Variants in KNOP1 observed in about 807,000 individuals in gnomAD.
KNOP1 encodes the protein lysine rich nucleolar protein 1.
In KNOP1, 20 loss-of-function variants were observed where a neutral mutation model predicts 30.6. That is an observed-to-expected ratio of 0.65 (90% CI 0.46 to 0.95). KNOP1 has a LOEUF of 0.95. Ranked by LOEUF, KNOP1 falls within the 40% of genes least tolerant of loss-of-function variation. KNOP1 has a pLI of 0.00. For missense variants in KNOP1, 540 were observed against 562.0 expected, an observed-to-expected ratio of 0.96 and a Z score of 0.40; for synonymous variants, 204 against 210.0, an observed-to-expected ratio of 0.97 and a Z score of 0.25.
rs112345337 is a variant in KNOP1, at chr16:19,701,984, G to GT, written c.*4925dup. ...AGTGGCCTTTATTTCACAAAATTCT[G>GT]TTTTTTTTTCTTTTTTTTGAGACAG... On this transcript the variant is annotated 3_prime_UTR_variant, in exon 5 of 5. Transcript: ENST00000219837. 1.6e-3 allele frequency: 243 copies of GT among 149,054 alleles called. No homozygotes were observed. The highest frequency in any genetic ancestry group is 3.3e-3 in the Admixed American group (49 of 14,982). 9.2% of individuals were successfully genotyped at this position (149,054 alleles called of 1,614,324 possible). A position where few individuals can be genotyped will look rare whatever the true frequency, so the allele number is the denominator to read the frequency against.
chr16:19,714,675 G>T lies in KNOP1; in HGVS notation c.361C>A (p.Leu121Ile). ...SGEKKNKKSP[L>I]AMSHASGVKT... is the part of the protein sequence containing the mutation. ...ACCCCAGAGGCATGGGACATGGCTAGAGGTGACTTCTTATTTTTCTTTTCC... is the reference window on the plus strand; with the variant it reads ...ACCCCAGAGGCATGGGACATGGCTATAGGTGACTTCTTATTTTTCTTTTCC... The change falls in exon 2 of 5, where the codon CTA becomes ATA. Residue 121 changes from leucine (L) to isoleucine (I), a missense_variant. Physicochemically the swap from Leu to Ile is conservative, Grantham distance 5. Coordinates refer to ENST00000219837, the MANE Select transcript of KNOP1 (RefSeq NM_001012991.3). 6.2e-7 allele frequency: 1 copy of T among 1,614,168 alleles called. No individual in the cohort carries two copies.
At chr16:19,708,879 G>A (rs1176117721) in intron 4 of KNOP1, among the ~76,000 whole-genome samples, 3 of 152,090 alleles carry the variant, frequency 2.0e-5, no homozygotes, top group African/African-American at 4.8e-5. Context: ...CTGGTCCTGC[G>A]TGAACCAGCA....
chr16:19,707,859 TCCC>T lies in KNOP1; in HGVS notation c.1066-641_1066-639del, dbSNP rs542935022. Among the ~76,000 whole-genome samples, 44 of 8,614 alleles carry T rather than the reference TCCC, an allele frequency of 5.1e-3. 1 individual carries two copies. The highest frequency in any genetic ancestry group is 0.032 in the African/African-American group (39 of 1,234). 5.7% of individuals were successfully genotyped at this position (8,614 alleles called of 152,430 possible). ...CCCCTAACCACGCTACACAGTGCAC[TCCC>T]CCCACCACCCTACACATCGCACTCC... On this transcript the variant is annotated intron_variant, in intron 4 of 4. Coordinates refer to ENST00000219837, the MANE Select transcript of KNOP1 (RefSeq NM_001012991.3).
intron 4 of KNOP1, 140 bp from the exon 5 acceptor site, chr16:19,707,361 GGAT>G (rs1465692813): frequency 3.0e-6 from 2 of 656,614 alleles, no homozygotes; most frequent in African/African-American, 3.7e-5. Flanking sequence ...GCTCAACAAC[GGAT>G]TATTCCGTTA....
chr16:19,701,985 T>G lies in KNOP1; in HGVS notation c.*4925A>C, dbSNP rs74541607. 865 of 120,250 alleles carry G rather than the reference T, an allele frequency of 7.2e-3. 22 individuals carry two copies. In the East Asian group the frequency reaches 0.085, roughly 12 times the overall value. 7.4% of individuals were successfully genotyped at this position (120,250 alleles called of 1,614,324 possible). ...GTGGCCTTTATTTCACAAAATTCTG[T>G]TTTTTTTTCTTTTTTTTGAGACAGT... On this transcript the variant is annotated 3_prime_UTR_variant, in exon 5 of 5. Coordinates refer to ENST00000219837, the MANE Select transcript of KNOP1 (RefSeq NM_001012991.3).
rs192557405 is a variant in KNOP1, at chr16:19,705,411, G to A, written c.*1499C>T. On this transcript the variant is annotated 3_prime_UTR_variant, in exon 5 of 5. Coordinates refer to ENST00000219837, the MANE Select transcript of KNOP1 (RefSeq NM_001012991.3). ...AAGGTGGTCACAGATGGTCACATGC[G>A]ACTTGGGCCACTGGACCTGGAGCTC... is the stretch of plus-strand genomic sequence containing the variant. The A allele has an allele frequency of 2.7e-6, 1 of 373,686 alleles. No individual in the cohort carries two copies. The highest frequency in any genetic ancestry group is 7.3e-5 in the East Asian group (1 of 13,638). The allele number at this position is 373,686 out of a possible 1,614,324, so 23.1% of individuals were successfully genotyped here.
chr16:19,710,887 G>C (rs1224997495), intron 3 of KNOP1, among the ~76,000 whole-genome samples: 1 of 145,808 alleles, frequency 6.9e-6, no homozygotes, highest in East Asian at 2.0e-4. Flanking sequence ...ACTCCAGCCT[G>C]GGGGACAGAG....
At chr16:19,708,184 G>A (rs529529594) in intron 4 of KNOP1, among the ~76,000 whole-genome samples, 11 of 151,644 alleles carry the variant, frequency 7.3e-5, no homozygotes, top group Non-Finnish European at 4.4e-5. Flanking sequence ...GTTTTATGGC[G>A]GGAACGGGTG....
intron 3 of KNOP1, 44 bp from the exon 4 acceptor site, chr16:19,710,630 T>C (rs775600828): frequency 6.5e-7 from 1 of 1,539,740 alleles, no homozygotes; most frequent in East Asian, 2.2e-5. Context: ...GACAGAGATC[T>C]TCTTTCAAGC....
At chr16:19,715,076 CA>C in intron 1 of KNOP1, 39 bp from the exon 2 acceptor site, 1 of 1,442,792 alleles carries the variant, frequency 6.9e-7, no homozygotes, top group East Asian at 2.3e-5. Context: ...CATACCAAGC[CA>C]TCCTGTGTTC....
rs1270562554 is a variant in KNOP1, at chr16:19,707,039, C to T, written c.1248G>A (p.Leu416=). 6.2e-7 allele frequency: 1 copy of T among 1,614,076 alleles called. No homozygotes were observed. Among genetic ancestry groups the T allele is most frequent in the African/African-American group, 1.3e-5 (1 of 74,954 alleles). The change falls in exon 5 of 5, where the codon CTG becomes CTA. Residue 416 remains leucine (L), a synonymous_variant. Transcript: ENST00000219837. ...TCATGGCCCGGTCGTAGTCCCGCTG[C>T]AGATTCTGCTGCAGGCTGTCAGCCG... The part of the protein sequence containing the change: ...KKAADSLQQN[L]QRDYDRAMSW...
At chr16:19,716,311 A>G (rs1224406705) in intron 1 of KNOP1, 1 of 152,374 alleles carries the variant, frequency 6.6e-6, no homozygotes, top group African/African-American at 2.4e-5. Flanking sequence ...TCAAGAAGCA[A>G]GTAGGTGTGG....
At position 19,715,053 on chromosome 16, in the gene KNOP1, G is replaced by A; in HGVS notation, c.-2-16C>T. 1 of 1,525,456 alleles carries A rather than the reference G, an allele frequency of 6.6e-7. No individual in the cohort carries two copies. The highest frequency in any genetic ancestry group is 8.8e-7 in the Non-Finnish European group (1 of 1,142,844). The allele number at this position is 1,525,456 out of a possible 1,614,324, so 94.5% of individuals were successfully genotyped here. ...GTGATCATTCCTGAAAAAACAAATG[G>A]TACAAGTTATCCCATACCAAGCCAT... is the stretch of plus-strand genomic sequence containing the variant. On this transcript the variant is annotated splice_polypyrimidine_tract_variant and intron_variant, in intron 1 of 4. Transcript: ENST00000219837.
intron 1 of KNOP1, among the ~76,000 whole-genome samples, chr16:19,717,176 T>C (rs550576029): frequency 7.2e-5 from 11 of 152,182 alleles, no homozygotes; most frequent in Non-Finnish European, 1.5e-4. Flanking sequence ...TTCTCATAGA[T>C]AGTATACACA....
chr16:19,712,799 C>T (rs1043456455), intron 2 of KNOP1, among the ~76,000 whole-genome samples: 3 of 152,220 alleles, frequency 2.0e-5, no homozygotes, highest in South Asian at 2.1e-4. Flanking sequence ...ACCATCGTTT[C>T]GGCCCACACG....
intron 1 of KNOP1, chr16:19,717,224 T>C (rs1977180422): frequency 1.4e-6 from 1 of 713,390 alleles, no homozygotes; most frequent in Non-Finnish European, 1.7e-6. Flanking sequence ...GTACTGTCTG[T>C]GGTTTCAGGC....
chr16:19,708,537 A>C (rs1337879010), intron 4 of KNOP1, among the ~76,000 whole-genome samples: 2 of 152,044 alleles, frequency 1.3e-5, no homozygotes, highest in African/African-American at 4.8e-5. Context: ...TGACACCAAA[A>C]GCCCAGTGCA....
intron 2 of KNOP1, 68 bp from the exon 3 acceptor site, chr16:19,711,508 C>T: frequency 3.4e-6 from 5 of 1,477,238 alleles, no homozygotes; most frequent in South Asian, 1.1e-5. Flanking sequence ...CTGCACCCAG[C>T]CAGGGTGAGA....
At position 19,705,029 on chromosome 16, in the gene KNOP1, G is replaced by A. The variant is rs117593703; in HGVS notation, c.*1881C>T. 2,600 of 389,036 alleles carry A rather than the reference G, an allele frequency of 6.7e-3. 76 individuals are homozygous for A. The highest frequency in any genetic ancestry group is 0.049 in the East Asian group (667 of 13,732). The allele number at this position is 389,036 out of a possible 1,614,324, so 24.1% of individuals were successfully genotyped here. A position where few individuals can be genotyped will look rare whatever the true frequency, so the allele number is the denominator to read the frequency against. The stretch of plus-strand genomic sequence containing the variant: ...CCATGACAGGGGCGGGTGCAGCTAT[G>A]GGCAGATGACTCATTGCCCAGCAAT... On this transcript the variant is annotated 3_prime_UTR_variant, in exon 5 of 5. Coordinates refer to ENST00000219837, the MANE Select transcript of KNOP1 (RefSeq NM_001012991.3).
Sources: gnomAD v4.1 joint callset for allele counts (sites outside exome capture counted in the v4.1 genomes callset) on GRCh38, gnomAD v4.1.1 for gene constraint, MANE v1.5 for transcripts, NCBI Gene and HGNC (gene_info 2026-07-23, HGNC 2026-07-21) for gene names.